Variants in AGBL2 observed in about 807,000 individuals in gnomAD.
The protein encoded by AGBL2 is AGBL carboxypeptidase 2.
AGBL2 carries 87 observed loss-of-function variants against 103.0 expected under a neutral mutation model. That is an observed-to-expected ratio of 0.84 (90% CI 0.71 to 1.01). AGBL2 has a LOEUF of 1.01. Among genes scored for constraint, AGBL2 ranks in the 50% least tolerant of loss-of-function variants. AGBL2 has a pLI of 0.00. For missense variants in AGBL2, 904 were observed against 1,023.5 expected (o/e 0.88, Z 1.59); for synonymous variants, 335 against 356.7 (o/e 0.94, Z 0.69).
In AGBL2 at chr11:47,667,582, C is replaced by A. The variant is rs762516134; in HGVS notation, c.2329G>T (p.Glu777Ter). 6.2e-7 allele frequency: 1 copy of A among 1,614,026 alleles called. No homozygotes were observed. The highest frequency in any genetic ancestry group is 8.5e-7 in the Non-Finnish European group (1 of 1,179,992). The change falls in exon 16 of 19, where the codon GAA (glutamate) becomes TAA (stop). Residue 777 changes from glutamate to a stop codon, truncating the protein, a stop_gained. Transcript: ENST00000525123. LOFTEE classifies it high-confidence loss of function. Reference protein sequence around the residue: ...KNLMQKLKLTEDTSEKAGFAS... With the variant: ...KNLMQKLKLT ...CAAGTCTTTCTTACTGAGGTATCTT[C>A]TGTTAACTTTAACTTCTGCATCAAA...
chr11:47,713,187 C>CA (rs1394398815), intron 3 of AGBL2, among the ~76,000 whole-genome samples: 1 of 151,028 alleles, frequency 6.6e-6, no homozygotes, highest in Admixed American at 6.6e-5. Context: ...TACAAATACA[C>CA]AAAAAAATTA....
chr11:47,677,303 C>T lies in AGBL2; in HGVS notation c.2115G>A (p.Trp705Ter), dbSNP rs147195727. 5.6e-6 allele frequency: 9 copies of T among 1,603,040 alleles called. No individual in the cohort carries two copies. The highest frequency in any genetic ancestry group is 7.6e-6 in the Non-Finnish European group (9 of 1,176,772). Residue 705 changes from tryptophan (W) to a stop codon, truncating the protein, a stop_gained, in exon 14 of 19, where the codon TGG becomes TGA. Transcript: ENST00000525123. LOFTEE classifies it high-confidence loss of function. ...CAATGTCAGACAAAGAGATGTCACT[C>T]CAACTTCCTTCTAAATCTACATCTT... ...LGQDVDLEGS[W>*]SDISLSDIES... is the part of the protein sequence containing the mutation.
Position 47,692,152 on chromosome 11 carries a change from G to A in AGBL2, c.799C>T (p.Leu267=). The part of the protein sequence containing the change: ...TLQGPEDNTL[L]FESRFESGNL... ...CCACTCTCAAACCTTGATTCAAACA[G>A]TAGAGTATTATCTTCTGGTCCTTGC... The change falls in exon 9 of 19, where the codon CTG becomes TTG. Residue 267 remains leucine, a synonymous_variant. Coordinates refer to ENST00000525123, the MANE Select transcript of AGBL2 (RefSeq NM_024783.4). 6.2e-7 allele frequency: 1 copy of A among 1,613,522 alleles called. No individual in the cohort carries two copies. Among genetic ancestry groups the A allele is most frequent in the Non-Finnish European group, 8.5e-7 (1 of 1,179,726 alleles).
intron 8 of AGBL2, among the ~76,000 whole-genome samples, chr11:47,692,475 G>A (rs1421721202): frequency 8.1e-6 from 1 of 124,140 alleles, no homozygotes; most frequent in Non-Finnish European, 1.6e-5. Flanking sequence ...GCAGTGACAC[G>A]ATCTTGGCTC....
chr11:47,666,556 G>A, intron 17 of AGBL2: 1 of 413,972 alleles, frequency 2.4e-6, no homozygotes. Flanking sequence ...AGTCCCCGAG[G>A]CAGGGATAGT....
At chr11:47,702,798 C>T (rs930271510) in intron 7 of AGBL2, among the ~76,000 whole-genome samples, 12 of 151,892 alleles carry the variant, frequency 7.9e-5, no homozygotes, top group Non-Finnish European at 1.3e-4. Context: ...CGCTTGAACC[C>T]GGGAGGCGGA....
At position 47,704,602 on chromosome 11, in the gene AGBL2, A is replaced by C. The variant is rs79739119; in HGVS notation, c.527T>G (p.Leu176Arg). The change falls in exon 7 of 19, where the codon CTG becomes CGG. Residue 176 changes from leucine (L) to arginine (R), a missense_variant. Transcript: ENST00000525123. ...LFSILSTKRP[L>R]QAPRWPIECE... ...TTCAATTGGCCATCTTGGAGCCTGC[A>C]GTGGCCTCTTGGTAGACAAAATGGA... 1.7e-3 allele frequency: 2,703 copies of C among 1,614,094 alleles called. 48 individuals are homozygous for C. In the African/African-American group the frequency reaches 0.033, roughly 20 times the overall value.
At chr11:47,668,183 T>C (rs2097346733) in intron 15 of AGBL2, among the ~76,000 whole-genome samples, 1 of 125,746 alleles carries the variant, frequency 8.0e-6, no homozygotes, top group Admixed American at 1.0e-4. Flanking sequence ...AACTCCAGCC[T>C]AGGCGACAGA....
rs560032756 is a variant in AGBL2, at chr11:47,690,989, A to G, written c.849-131T>C. The stretch of plus-strand genomic sequence containing the variant: ...GAAAAATCTGCTACCTTAATCATTT[A>G]TTCTCTGTAATCCCAGCACTTTGGG... On this transcript the variant is annotated intron_variant, in intron 9 of 18. Transcript: ENST00000525123. The G allele has an allele frequency of 7.3e-5, 54 of 741,388 alleles. 1 individual carries two copies. Among genetic ancestry groups the G allele is most frequent in the Non-Finnish European group, 9.6e-5 (45 of 467,902 alleles). 45.9% of individuals were successfully genotyped at this position (741,388 alleles called of 1,614,324 possible). A position where few individuals can be genotyped will look rare whatever the true frequency, so the allele number is the denominator to read the frequency against.
At chr11:47,691,729 A>AAAAAATATAT in intron 9 of AGBL2, among the ~76,000 whole-genome samples, 14 of 4,850 alleles carry the variant, frequency 2.9e-3, no homozygotes, top group Admixed American at 8.5e-3. Context: ...AAAAAAAAAA[A>AAAAAATATAT]ATATATATAT....
Position 47,660,117 on chromosome 11 carries a change from T to C in AGBL2, c.*56A>G. ...GTCATACATCTCCCCCATTATAAAA[T>C]GTGTCTAATCTCAAAACCCCCGATG... On this transcript the variant is annotated 3_prime_UTR_variant, in exon 19 of 19. Transcript: ENST00000525123. The C allele has an allele frequency of 6.5e-7, 1 of 1,534,832 alleles. No individual in the cohort carries two copies. The highest frequency in any genetic ancestry group is 8.8e-7 in the Non-Finnish European group (1 of 1,132,856).
At chr11:47,663,394 G>A (rs1481373909) in intron 17 of AGBL2, among the ~76,000 whole-genome samples, 1 of 152,158 alleles carries the variant, frequency 6.6e-6, no homozygotes, top group Non-Finnish European at 1.5e-5. Context: ...TTCAGATGCA[G>A]AAACTTAGTA....
intron 14 of AGBL2, among the ~76,000 whole-genome samples, chr11:47,671,283 GA>G (rs2097356610): frequency 6.6e-6 from 1 of 152,078 alleles, no homozygotes; most frequent in Non-Finnish European, 1.5e-5. Flanking sequence ...GGGAGGCCGA[GA>G]TGGGCAGATC....
At chr11:47,672,208 C>T (rs931454742) in intron 14 of AGBL2, among the ~76,000 whole-genome samples, 3 of 152,164 alleles carry the variant, frequency 2.0e-5, no homozygotes, top group Admixed American at 1.3e-4. Flanking sequence ...ATCTCAGTCT[C>T]CCAAAGTGCT....
intron 17 of AGBL2, among the ~76,000 whole-genome samples, chr11:47,663,809 G>A (rs1028313371): frequency 2.0e-5 from 3 of 151,578 alleles, no homozygotes; most frequent in Admixed American, 6.6e-5. Context: ...GCCCGCCTCG[G>A]CCTCCCAAAG....
intron 11 of AGBL2, among the ~76,000 whole-genome samples, chr11:47,685,365 C>T (rs2097419773): frequency 6.6e-6 from 1 of 151,848 alleles, no homozygotes; most frequent in South Asian, 2.1e-4. Context: ...ATGCCCACCT[C>T]GGCCTCCCAA....
In AGBL2 at chr11:47,668,977, A is replaced by T. The variant is rs1402754146; in HGVS notation, c.2148-70T>A. On this transcript the variant is annotated intron_variant, in intron 14 of 18. Coordinates refer to ENST00000525123, the MANE Select transcript of AGBL2 (RefSeq NM_024783.4). The stretch of plus-strand genomic sequence containing the variant: ...ATGTCTAGGAAGCATAACATTTACC[A>T]GACCAGCTGTATGGGATTAGGATTA... The T allele has an allele frequency of 6.5e-6, 7 of 1,083,264 alleles. 1 individual carries two copies. In the Admixed American group the frequency reaches 1.2e-4, roughly 19 times the overall value. 67.1% of individuals were successfully genotyped at this position (1,083,264 alleles called of 1,614,324 possible).
At chr11:47,676,148 C>T (rs2153803272) in intron 14 of AGBL2, among the ~76,000 whole-genome samples, 1 of 152,166 alleles carries the variant, frequency 6.6e-6, no homozygotes, top group African/African-American at 2.4e-5. Flanking sequence ...ACAAGCCTAA[C>T]ACTAGACTCC....
At position 47,675,449 on chromosome 11, in the gene AGBL2, A is replaced by C. The variant is rs891573501; in HGVS notation, c.2147+1822T>G. ...ACCCAGGCTGAAACGCAGTGGCGCA[A>C]TCCCAGCTCACAGTAACCTCCACCT... On this transcript the variant is annotated intron_variant, in intron 14 of 18. Transcript: ENST00000525123. Among the ~76,000 whole-genome samples, 12 of 141,140 alleles carry C rather than the reference A, an allele frequency of 8.5e-5. No individual in the cohort carries two copies. In the Admixed American group the frequency reaches 9.4e-4, roughly 11 times the overall value. The allele number at this position is 141,140 out of a possible 152,430, so 92.6% of individuals were successfully genotyped here.
Sources: gnomAD v4.1 joint callset for allele counts (sites outside exome capture counted in the v4.1 genomes callset) on GRCh38, gnomAD v4.1.1 for gene constraint, MANE v1.5 for transcripts, NCBI Gene and HGNC (gene_info 2026-07-23, HGNC 2026-07-21) for gene names.